Variants in SCN11A observed in about 807,000 individuals in gnomAD.
The protein encoded by SCN11A is sodium voltage-gated channel alpha subunit 11, also known as sodium channel protein type 11 subunit alpha.
In SCN11A, 122 loss-of-function variants were observed where a neutral mutation model predicts 162.2. The observed-to-expected ratio is 0.75, with a 90% CI of 0.65 to 0.87. The LOEUF (loss-of-function observed/expected upper bound fraction) is 0.87, where lower values mean the gene tolerates loss of function less well. Among genes scored for constraint, SCN11A ranks in the 40% least tolerant of loss-of-function variants. SCN11A has a pLI of 0.00. For missense variants in SCN11A, 2,015 were observed against 2,181.6 expected, an observed-to-expected ratio of 0.92 and a Z score of 1.52; for synonymous variants, 758 against 751.5, an observed-to-expected ratio of 1.01 and a Z score of -0.14.
chr3:38,875,544 A>G (rs1409890706), intron 23 of SCN11A, among the ~76,000 whole-genome samples: 1 of 152,120 alleles, frequency 6.6e-6, no homozygotes, highest in Non-Finnish European at 1.5e-5. Flanking sequence ...AATCAGTAGC[A>G]CTGTGATACA....
chr3:39,050,180 T>C (rs983492175), intron 1 of SCN11A, among the ~76,000 whole-genome samples: 27 of 152,338 alleles, frequency 1.8e-4, no homozygotes, highest in African/African-American at 1.2e-4. Context: ...TTCACTTCTC[T>C]GTACTCTAAG....
chr3:39,026,524 C>CTAA (rs2031594928), intron 2 of SCN11A, among the ~76,000 whole-genome samples: 1 of 152,078 alleles, frequency 6.6e-6, no homozygotes, highest in South Asian at 2.1e-4. Context: ...CTGCAGACCT[C>CTAA]TGTCAAGGAA....
At chr3:38,965,383 C>T (rs1301616957) in intron 2 of SCN11A, among the ~76,000 whole-genome samples, 1 of 152,194 alleles carries the variant, frequency 6.6e-6, no homozygotes, top group African/African-American at 2.4e-5. Context: ...TGTAAGACAA[C>T]GTTTGTAAGG....
At chr3:39,039,042 C>T (rs1321723086) in intron 1 of SCN11A, among the ~76,000 whole-genome samples, 3 of 152,034 alleles carry the variant, frequency 2.0e-5, no homozygotes, top group Admixed American at 6.5e-5. Flanking sequence ...ATTTTTTTTG[C>T]TTGATGATAA....
rs781290667 is a variant in SCN11A, at chr3:38,883,220, A to T, written c.3219+13T>A. On this transcript the variant is annotated intron_variant, in intron 22 of 29. Coordinates refer to ENST00000302328, the MANE Select transcript of SCN11A (RefSeq NM_001349253.2). Reference sequence around the variant, plus strand: ...CTGATGCCCAATGTCTCCACAAGACAATGATGATTTACCAGTGCCCCACTG... The same window carrying T: ...CTGATGCCCAATGTCTCCACAAGACTATGATGATTTACCAGTGCCCCACTG... 1.2e-6 allele frequency: 2 copies of T among 1,609,140 alleles called. No individual in the cohort carries two copies. The highest frequency in any genetic ancestry group is 2.7e-5 in the African/African-American group (2 of 74,808).
chr3:38,965,896 T>A (rs1165958738), intron 2 of SCN11A, among the ~76,000 whole-genome samples: 1 of 151,990 alleles, frequency 6.6e-6, no homozygotes, highest in Non-Finnish European at 1.5e-5. Context: ...AGGAGACTCA[T>A]GGGAGCCCTG....
Position 38,861,655 on chromosome 3 carries a change from C to A in SCN11A, c.4056+1540G>T, listed in dbSNP as rs116634025. On this transcript the variant is annotated intron_variant, in intron 28 of 29. Transcript: ENST00000302328. ...TAAACTGGGGAAAGGACACCCTATCCCACAAATTGTGTTGGGATAATTGGC... is the reference window on the plus strand; with the variant it reads ...TAAACTGGGGAAAGGACACCCTATCACACAAATTGTGTTGGGATAATTGGC... Among the ~76,000 whole-genome samples the A allele has an allele frequency of 3.7e-3, 569 of 152,082 alleles. 4 individuals carry two copies. Among genetic ancestry groups the A allele is most frequent in the African/African-American group, 0.013 (540 of 41,520 alleles).
intron 11 of SCN11A, among the ~76,000 whole-genome samples, chr3:38,910,837 T>C (rs1385904266): frequency 6.6e-6 from 1 of 152,204 alleles, no homozygotes; most frequent in Non-Finnish European, 1.5e-5. Flanking sequence ...TCTTTGAACA[T>C]AGGTCTTTTC....
rs1187198797 is a variant in SCN11A, at chr3:38,910,063, A to G, written c.1101+3T>C. The G allele has an allele frequency of 6.2e-7, 1 of 1,613,590 alleles. No individual in the cohort carries two copies. Among genetic ancestry groups the G allele is most frequent in the Admixed American group, 1.7e-5 (1 of 59,930 alleles). Reference sequence around the variant, plus strand: ...GGAAAAAGAGAGACTATAAATAGATAACCTGTTGATAAAGCTTCTCCCAGG... The same window carrying G: ...GGAAAAAGAGAGACTATAAATAGATGACCTGTTGATAAAGCTTCTCCCAGG... On this transcript the variant is annotated splice_donor_region_variant and intron_variant, in intron 12 of 29. Transcript: ENST00000302328.
chr3:38,880,726 G>A (rs2065294971), intron 22 of SCN11A, among the ~76,000 whole-genome samples: 2 of 152,142 alleles, frequency 1.3e-5, no homozygotes, highest in Admixed American at 1.3e-4. Context: ...AAAGCTCCCA[G>A]TGTAAATTAC....
chr3:38,877,063 GTATATATATGGTGTATA>G (rs2065222983), intron 23 of SCN11A, among the ~76,000 whole-genome samples: 1 of 125,116 alleles, frequency 8.0e-6, no homozygotes, highest in South Asian at 2.5e-4. Context: ...TATATATATG[GTATATATATGGTGTATA>G]TACTATATAT....
intron 28 of SCN11A, among the ~76,000 whole-genome samples, chr3:38,853,018 GT>G (rs1446462289): frequency 6.6e-6 from 1 of 152,244 alleles, no homozygotes; most frequent in Non-Finnish European, 1.5e-5. Context: ...GATAAGCCAT[GT>G]GATAAGCATG....
chr3:38,960,870 C>T (rs191846230), intron 2 of SCN11A, among the ~76,000 whole-genome samples: 1 of 152,314 alleles, frequency 6.6e-6, no homozygotes, highest in East Asian at 1.9e-4. Context: ...TGATAACATG[C>T]ATGCTTATGT....
chr3:38,930,185 C>A (rs2066219555), intron 7 of SCN11A, among the ~76,000 whole-genome samples: 1 of 152,104 alleles, frequency 6.6e-6, no homozygotes, highest in Non-Finnish European at 1.5e-5. Context: ...AAGAAGTGGA[C>A]CTTTTCTGGT....
chr3:38,931,970 G>A (rs2066248258), intron 7 of SCN11A, among the ~76,000 whole-genome samples: 1 of 152,178 alleles, frequency 6.6e-6, no homozygotes. Context: ...AGCTACAAGG[G>A]TAACTAATGT....
At chr3:38,881,749 C>A in intron 22 of SCN11A, among the ~76,000 whole-genome samples, 1 of 152,136 alleles carries the variant, frequency 6.6e-6, no homozygotes, top group Non-Finnish European at 1.5e-5. Context: ...TCATTCTCTA[C>A]AAATATGTAC....
In SCN11A at chr3:38,926,487, CT is replaced by C. The variant is rs869220907; in HGVS notation, c.617+315del. Among the ~76,000 whole-genome samples the C allele has an allele frequency of 0.039, 5,611 of 143,752 alleles. 125 individuals carry two copies. Among genetic ancestry groups the C allele is most frequent in the South Asian group, 0.071 (315 of 4,460 alleles). The allele number at this position is 143,752 out of a possible 152,430, so 94.3% of individuals were successfully genotyped here. A position where few individuals can be genotyped will look rare whatever the true frequency, so the allele number is the denominator to read the frequency against. On this transcript the variant is annotated intron_variant, in intron 8 of 29. Transcript: ENST00000302328. ...AGCTTCATAAGATTGAAAACCATGT[CT>C]TTTTTTTTTTTTTTAATTTCATTGG...
At chr3:38,939,964 GA>G (rs2066415908) in intron 7 of SCN11A, among the ~76,000 whole-genome samples, 1 of 150,464 alleles carries the variant, frequency 6.6e-6, no homozygotes, top group African/African-American at 2.4e-5. Flanking sequence ...GTCATCAAAA[GA>G]GTAAACAAAT....
At chr3:39,015,974 T>C (rs1248468362) in intron 2 of SCN11A, among the ~76,000 whole-genome samples, 2 of 152,146 alleles carry the variant, frequency 1.3e-5, no homozygotes, top group East Asian at 3.9e-4. Flanking sequence ...TGACCTCAAG[T>C]GATCCGCCAA....
Sources: gnomAD v4.1 joint callset for allele counts (sites outside exome capture counted in the v4.1 genomes callset) on GRCh38, gnomAD v4.1.1 for gene constraint, MANE v1.5 for transcripts, NCBI Gene and HGNC (gene_info 2026-07-23, HGNC 2026-07-21) for gene names.